WDR72: variants seen among roughly 807,000 people sequenced by gnomAD.
WDR72 encodes WD repeat domain 72.
WDR72 carries 120 observed loss-of-function variants against 124.2 expected under a neutral mutation model. The ratio of observed to expected loss-of-function variants is 0.97; its 90% CI spans 0.83 to 1.12. WDR72 has a LOEUF of 1.12. Among genes scored for constraint, WDR72 ranks in the 50% most tolerant of loss-of-function variants. The pLI is 0.00. For missense variants in WDR72, 1,387 were observed against 1,278.8 expected (o/e 1.08, Z -1.29); for synonymous variants, 452 against 441.7 (o/e 1.02, Z -0.29).
intron 18 of WDR72, among the ~76,000 whole-genome samples, chr15:53,594,904 A>C (rs2012699202): frequency 6.6e-6 from 1 of 152,070 alleles, no homozygotes; most frequent in South Asian, 2.1e-4. Context: ...TAAAATAAGC[A>C]ATTTCTCAAA....
At chr15:53,703,564 G>C (rs2140526993) in intron 11 of WDR72, among the ~76,000 whole-genome samples, 1 of 151,846 alleles carries the variant, frequency 6.6e-6, no homozygotes, top group Non-Finnish European at 1.5e-5. Flanking sequence ...CTGTTGTGTG[G>C]AATAAATAAG....
At chr15:53,522,862 C>T (rs1367399588) in intron 19 of WDR72, among the ~76,000 whole-genome samples, 2 of 151,962 alleles carry the variant, frequency 1.3e-5, no homozygotes, top group Non-Finnish European at 2.9e-5. Flanking sequence ...TGTCCACTTC[C>T]GCTCCCCTCT....
intron 2 of WDR72, among the ~76,000 whole-genome samples, chr15:53,726,169 T>G: frequency 7.1e-6 from 1 of 141,718 alleles, no homozygotes; most frequent in African/African-American, 2.6e-5. Context: ...TGTAAGTTAA[T>G]TGGTTGTAAT....
chr15:53,699,815 G>C lies in WDR72; in HGVS notation c.1700C>G (p.Pro567Arg), dbSNP rs748071632. The C allele has an allele frequency of 1.2e-6, 2 of 1,613,976 alleles. No individual in the cohort carries two copies. The highest frequency in any genetic ancestry group is 1.7e-6 in the Non-Finnish European group (2 of 1,179,998). The change falls in exon 13 of 20, where the codon CCG (proline) becomes CGG (arginine). Residue 567 changes from proline to arginine, a missense_variant. Coordinates refer to ENST00000360509, the MANE Select transcript of WDR72 (RefSeq NM_182758.4). ...TCCAACAATTAAAAAATTCTCAACC[G>C]GGTGCCATTTTATCATCCTCACAGG... ...LFPVRMIKWH[P>R]VENFLIVGCA...
chr15:53,703,406 T>C (rs1167822562), intron 11 of WDR72, among the ~76,000 whole-genome samples: 2 of 151,782 alleles, frequency 1.3e-5, no homozygotes, highest in Non-Finnish European at 2.9e-5. Flanking sequence ...TGTTTAAGAG[T>C]ACAGCATTGC....
intron 1 of WDR72, among the ~76,000 whole-genome samples, chr15:53,753,981 A>G (rs1414750422): frequency 6.6e-6 from 1 of 152,190 alleles, no homozygotes; most frequent in Non-Finnish European, 1.5e-5. Context: ...AGGCCTTGAA[A>G]GTGAGAATTC....
chr15:53,639,355 G>A (rs1365576742), intron 14 of WDR72, among the ~76,000 whole-genome samples: 3 of 151,992 alleles, frequency 2.0e-5, no homozygotes, highest in Non-Finnish European at 4.4e-5. Flanking sequence ...TTCTGTCCAG[G>A]TGCGGTTGCT....
At chr15:53,588,753 G>A (rs143107794) in intron 18 of WDR72, among the ~76,000 whole-genome samples, 14 of 149,884 alleles carry the variant, frequency 9.3e-5, no homozygotes, top group African/African-American at 3.4e-4. Context: ...TACCAAAATT[G>A]TTTTTAGAAC....
rs536276498 is a variant in WDR72, at chr15:53,583,942, T to C, written c.3148+13137A>G. Reference sequence around the variant, plus strand: ...CTAAGTTGCTTTGTTAAAATTCTATTGATTAAATCAAATTTTTTTAAATGA... The same window carrying C: ...CTAAGTTGCTTTGTTAAAATTCTATCGATTAAATCAAATTTTTTTAAATGA... On this transcript the variant is annotated intron_variant, in intron 18 of 19. Coordinates refer to ENST00000360509, the MANE Select transcript of WDR72 (RefSeq NM_182758.4). Among the ~76,000 whole-genome samples, 3 of 150,212 alleles carry C rather than the reference T, an allele frequency of 2.0e-5. No homozygotes were observed. The South Asian group carries it at 6.3e-4, about 32-fold the overall frequency.
intron 14 of WDR72, among the ~76,000 whole-genome samples, chr15:53,637,218 C>A (rs1023285607): frequency 6.6e-6 from 1 of 152,084 alleles, no homozygotes; most frequent in East Asian, 1.9e-4. Context: ...CTTTATACTG[C>A]ACAAATAATC....
chr15:53,530,819 C>T (rs1205203080), intron 18 of WDR72, among the ~76,000 whole-genome samples: 2 of 152,012 alleles, frequency 1.3e-5, no homozygotes, highest in Non-Finnish European at 2.9e-5. Context: ...AAAAACATTC[C>T]CCTCTTGAAT....
intron 18 of WDR72, among the ~76,000 whole-genome samples, chr15:53,531,400 C>T (rs921675317): frequency 6.6e-6 from 1 of 152,102 alleles, no homozygotes; most frequent in Non-Finnish European, 1.5e-5. Context: ...CTGGTTCTTA[C>T]TGTCACACAT....
intron 1 of WDR72, among the ~76,000 whole-genome samples, chr15:53,757,086 A>G (rs2018929090): frequency 6.6e-6 from 1 of 152,206 alleles, no homozygotes; most frequent in South Asian, 2.1e-4. Context: ...ACACATGTAA[A>G]TAAAGAAACT....
chr15:53,685,738 C>G (rs2016597475), intron 13 of WDR72, among the ~76,000 whole-genome samples: 1 of 150,760 alleles, frequency 6.6e-6, no homozygotes, highest in Non-Finnish European at 1.5e-5. Flanking sequence ...TCGAGAAGAC[C>G]AACTCCAAGA....
chr15:53,671,763 T>C (rs1300661445), intron 13 of WDR72, among the ~76,000 whole-genome samples: 3 of 152,162 alleles, frequency 2.0e-5, no homozygotes, highest in Non-Finnish European at 4.4e-5. Flanking sequence ...GAACTTGTAA[T>C]TGGAGACAGC....
upstream of WDR72, among the ~76,000 whole-genome samples, chr15:53,761,905 A>G (rs142348751): frequency 2.0e-3 from 306 of 152,342 alleles, 2 homozygotes; most frequent in African/African-American, 7.1e-3. Flanking sequence ...AAAAGTATCA[A>G]GAGTGGGTGA....
chr15:53,597,004 C>A (rs2012809012), intron 18 of WDR72, 75 bp downstream of exon 18: 1 of 1,427,458 alleles, frequency 7.0e-7, no homozygotes. Flanking sequence ...CGTTCAGTTG[C>A]ACCACCATAA....
At chr15:53,531,578 A>G (rs1449147801) in intron 18 of WDR72, among the ~76,000 whole-genome samples, 1 of 152,098 alleles carries the variant, frequency 6.6e-6, no homozygotes, top group Non-Finnish European at 1.5e-5. Flanking sequence ...TAAGTAGTAG[A>G]GTTTCATTTG....
intron 18 of WDR72, among the ~76,000 whole-genome samples, chr15:53,567,289 A>G (rs9920245): frequency 0.82 from 125,050 of 151,864 alleles, 51,632 homozygotes; most frequent in Middle Eastern, 0.9. Flanking sequence ...TAGATTTTCT[A>G]AAACTGCCTA....
Sources: allele counts gnomAD v4.1 joint callset (sites outside exome capture counted in the v4.1 genomes callset), GRCh38; gene constraint gnomAD v4.1.1; transcripts MANE v1.5; gene names NCBI Gene and HGNC (gene_info 2026-07-23, HGNC 2026-07-21).